Variants in LUC7L2 observed in about 807,000 individuals in gnomAD.
The protein encoded by LUC7L2 is LUC7 like 2, pre-mRNA splicing factor.
In LUC7L2, 25 loss-of-function variants were observed where a neutral mutation model predicts 52.8. The ratio of observed to expected loss-of-function variants is 0.47; its 90% CI spans 0.34 to 0.66. The LOEUF is 0.66. Ranked by LOEUF, LUC7L2 falls within the 30% of genes least tolerant of loss-of-function variation. LUC7L2 has a pLI of 0.01. For synonymous variants in LUC7L2, 144 were observed against 160.9 expected (o/e 0.89, Z 0.80); for missense variants, 328 against 497.8 (o/e 0.66, Z 3.25).
upstream of LUC7L2, chr7:139,359,863 C>T: frequency 2.4e-6 from 1 of 409,596 alleles, no homozygotes. Context: ...GGAGCCCCCG[C>T]GGGAAACGAC....
chr7:139,343,645 G>A (rs933735417), intron 1 of LUC7L2, among the ~76,000 whole-genome samples: 5 of 152,120 alleles, frequency 3.3e-5, no homozygotes, highest in Non-Finnish European at 7.4e-5. Context: ...AATAGAGAAA[G>A]GGGATTAGGC....
At chr7:139,399,101 C>T (rs1178699843) in intron 3 of LUC7L2, among the ~76,000 whole-genome samples, 1 of 151,810 alleles carries the variant, frequency 6.6e-6, no homozygotes, top group Non-Finnish European at 1.5e-5. Context: ...ATATAGTTGG[C>T]CCCCCATATC....
chr7:139,402,615 C>T (rs1326977733), intron 4 of LUC7L2, among the ~76,000 whole-genome samples: 1 of 152,218 alleles, frequency 6.6e-6, no homozygotes, highest in Non-Finnish European at 1.5e-5. Flanking sequence ...CAATCTCTGC[C>T]TTCTGGGCTC....
At chr7:139,349,621 C>G (rs866245038) in intron 1 of LUC7L2, among the ~76,000 whole-genome samples, 24 of 150,882 alleles carry the variant, frequency 1.6e-4, no homozygotes, top group Non-Finnish European at 3.0e-4. Flanking sequence ...TGCTCCCCCC[C>G]CCCCCACCGG....
intron 7 of LUC7L2, among the ~76,000 whole-genome samples, chr7:139,410,123 C>T (rs758513218): frequency 5.9e-5 from 9 of 151,864 alleles, no homozygotes; most frequent in East Asian, 1.9e-4. Flanking sequence ...AGGAGAATGG[C>T]GTGAACCTGG....
Position 139,408,712 on chromosome 7 carries a change from T to G in LUC7L2, c.688-851T>G, listed in dbSNP as rs1795221960. Among the ~76,000 whole-genome samples the G allele has an allele frequency of 2.0e-5, 3 of 151,374 alleles. No homozygotes were observed. In the South Asian group the frequency reaches 6.3e-4, roughly 32 times the overall value. Reference sequence around the variant, plus strand: ...TAAAAATTAGCTGGGTGTGGTGGCATGTGCCTGTAGTCCCAGCTACTCTGG... The same window carrying G: ...TAAAAATTAGCTGGGTGTGGTGGCAGGTGCCTGTAGTCCCAGCTACTCTGG... On this transcript the variant is annotated intron_variant, in intron 6 of 9. Coordinates refer to ENST00000354926, the MANE Select transcript of LUC7L2 (RefSeq NM_016019.5).
chr7:139,406,946 G>C (rs1428226185), intron 5 of LUC7L2, among the ~76,000 whole-genome samples: 1 of 148,462 alleles, frequency 6.7e-6, no homozygotes, highest in African/African-American at 2.5e-5. Context: ...TAAGGATAGA[G>C]GATGGGGATA....
At chr7:139,392,968 T>G (rs1794509167) in intron 2 of LUC7L2, among the ~76,000 whole-genome samples, 1 of 146,650 alleles carries the variant, frequency 6.8e-6, no homozygotes, top group Admixed American at 6.8e-5. Context: ...CTTGTTAAAT[T>G]AAAAAAAAAA....
At chr7:139,382,091 C>T (rs1801061017) in intron 2 of LUC7L2, among the ~76,000 whole-genome samples, 1 of 151,840 alleles carries the variant, frequency 6.6e-6, no homozygotes, top group Non-Finnish European at 1.5e-5. Context: ...GGAGTTTCAC[C>T]ATGTTGGCCA....
chr7:139,355,672 A>C (rs1261056942), upstream of LUC7L2, among the ~76,000 whole-genome samples: 2 of 152,230 alleles, frequency 1.3e-5, no homozygotes, highest in African/African-American at 4.8e-5. Context: ...TGAACTATAA[A>C]ATTTGTCAGA....
At chr7:139,415,397 A>G (rs938469874) in intron 8 of LUC7L2, among the ~76,000 whole-genome samples, 1 of 152,026 alleles carries the variant, frequency 6.6e-6, no homozygotes, top group Admixed American at 6.6e-5. Flanking sequence ...GGATGAAAAA[A>G]TTACCTAGAA....
At chr7:139,385,866 A>G (rs1481232249) in intron 2 of LUC7L2, among the ~76,000 whole-genome samples, 1 of 152,248 alleles carries the variant, frequency 6.6e-6, no homozygotes, top group Non-Finnish European at 1.5e-5. Context: ...AGTTTTATCA[A>G]CTGTATTTTA....
intron 9 of LUC7L2, 43 bp from the exon 10 acceptor site, chr7:139,422,120 G>T: frequency 6.4e-7 from 1 of 1,558,452 alleles, no homozygotes; most frequent in South Asian, 1.2e-5. Flanking sequence ...TTGGGTTTTT[G>T]GGTTTCCCAA....
chr7:139,411,255 TA>T (rs751226030), intron 7 of LUC7L2, among the ~76,000 whole-genome samples: 2 of 151,930 alleles, frequency 1.3e-5, no homozygotes, highest in Admixed American at 6.6e-5. Context: ...TCAGAAACAT[TA>T]AAAAAAAGTC....
intron 1 of LUC7L2, among the ~76,000 whole-genome samples, chr7:139,371,015 C>T (rs1435761467): frequency 6.6e-6 from 1 of 152,164 alleles, no homozygotes; most frequent in Non-Finnish European, 1.5e-5. Flanking sequence ...GATCTTATTT[C>T]AGAGGGAAGG....
chr7:139,381,692 C>G (rs1801031555), intron 2 of LUC7L2, among the ~76,000 whole-genome samples: 1 of 150,838 alleles, frequency 6.6e-6, no homozygotes, highest in Non-Finnish European at 1.5e-5. Context: ...TTTTCCTACC[C>G]CAGCCTCCCA....
intron 3 of LUC7L2, among the ~76,000 whole-genome samples, chr7:139,401,745 G>T (rs574749196): frequency 1.4e-5 from 2 of 147,582 alleles, no homozygotes; most frequent in African/African-American, 5.0e-5. Context: ...GACCCACCAC[G>T]CCCAGCTTCT....
chr7:139,416,067 A>G (rs1795595594), intron 8 of LUC7L2: 1 of 50,604 alleles, frequency 2.0e-5, no homozygotes, highest in African/African-American at 4.5e-4. Context: ...ATATATATAT[A>G]TATATATATA....
intron 1 of LUC7L2, among the ~76,000 whole-genome samples, chr7:139,353,226 T>C (rs755041660): frequency 3.3e-5 from 5 of 152,052 alleles, no homozygotes; most frequent in African/African-American, 4.8e-5. Context: ...TTATAAAATT[T>C]GATTGTATGT....
Sources: allele counts gnomAD v4.1 joint callset (sites outside exome capture counted in the v4.1 genomes callset), GRCh38; gene constraint gnomAD v4.1.1; transcripts MANE v1.5; gene names NCBI Gene and HGNC (gene_info 2026-07-23, HGNC 2026-07-21).